Variants in SLC25A13 observed in about 807,000 individuals in gnomAD.
SLC25A13 encodes the protein solute carrier family 25 member 13, also known as electrogenic aspartate/glutamate antiporter SLC25A13, mitochondrial.
Under a neutral mutation model 85.5 loss-of-function variants are expected in SLC25A13, and 70 were observed. That is an observed-to-expected ratio of 0.82 (90% CI 0.68 to 1.00). The LOEUF is 1.00. Ranked by LOEUF, SLC25A13 falls within the 50% of genes least tolerant of loss-of-function variation. The pLI is 0.00. For missense variants in SLC25A13, 765 were observed against 819.8 expected, an observed-to-expected ratio of 0.93 and a Z score of 0.82; for synonymous variants, 259 against 288.7, an observed-to-expected ratio of 0.90 and a Z score of 1.04.
intron 4 of SLC25A13, among the ~76,000 whole-genome samples, chr7:96,226,550 T>C (rs1236179398): frequency 6.6e-6 from 1 of 151,970 alleles, no homozygotes; most frequent in African/African-American, 2.4e-5. Flanking sequence ...TTTGTAAATT[T>C]TTGTCAGAAT....
chr7:96,169,947 T>C, intron 13 of SLC25A13, 98 bp downstream of exon 13: 1 of 1,224,644 alleles, frequency 8.2e-7, no homozygotes, highest in Middle Eastern at 1.9e-4. Context: ...GCAGGATCTG[T>C]GGTTAAACAG....
intron 5 of SLC25A13, among the ~76,000 whole-genome samples, chr7:96,194,278 A>T (rs1200509332): frequency 1.3e-5 from 2 of 150,962 alleles, no homozygotes; most frequent in East Asian, 3.9e-4. Context: ...CTACAAAAAA[A>T]AAAAAAAAAA....
chr7:96,151,025 G>C (rs373340112), intron 13 of SLC25A13, among the ~76,000 whole-genome samples: 1 of 152,136 alleles, frequency 6.6e-6, no homozygotes, highest in South Asian at 2.1e-4. Context: ...AGGAGGGCAA[G>C]AGCTCTCCTG....
intron 13 of SLC25A13, 97 bp downstream of exon 13, chr7:96,169,948 G>T: frequency 8.1e-7 from 1 of 1,237,534 alleles, no homozygotes; most frequent in Non-Finnish European, 1.2e-6. Context: ...CAGGATCTGT[G>T]GTTAAACAGA....
intron 4 of SLC25A13, among the ~76,000 whole-genome samples, chr7:96,225,423 T>C (rs779337532): frequency 9.2e-5 from 14 of 152,014 alleles, no homozygotes; most frequent in Non-Finnish European, 1.9e-4. Flanking sequence ...GCGCCACCTG[T>C]AGTCCCAGCT....
At chr7:96,314,695 T>C (rs2117033623) in intron 1 of SLC25A13, among the ~76,000 whole-genome samples, 1 of 152,124 alleles carries the variant, frequency 6.6e-6, no homozygotes, top group African/African-American at 2.4e-5. Flanking sequence ...GAGGAATGGT[T>C]CCCTCTAAGA....
chr7:96,234,680 AG>A, intron 4 of SLC25A13, 121 bp downstream of exon 4: 1 of 702,868 alleles, frequency 1.4e-6, no homozygotes, highest in Non-Finnish European at 2.4e-6. Flanking sequence ...CTTTACTAAA[AG>A]GGATATACTA....
intron 3 of SLC25A13, among the ~76,000 whole-genome samples, chr7:96,256,987 G>C (rs1797661619): frequency 6.6e-6 from 1 of 152,044 alleles, no homozygotes; most frequent in Non-Finnish European, 1.5e-5. Context: ...ACAAAATTAA[G>C]GCAGAAATAA....
intron 2 of SLC25A13, among the ~76,000 whole-genome samples, chr7:96,286,868 C>G (rs138753183): frequency 9.8e-5 from 15 of 152,340 alleles, no homozygotes; most frequent in African/African-American, 2.6e-4. Flanking sequence ...TGTCGCTGAT[C>G]TACAGAGCTG....
chr7:96,302,136 C>T (rs1478564680), intron 1 of SLC25A13, among the ~76,000 whole-genome samples: 1 of 152,030 alleles, frequency 6.6e-6, no homozygotes, highest in East Asian at 1.9e-4. Flanking sequence ...TCATCAATAG[C>T]GTTTGCAAAA....
intron 4 of SLC25A13, among the ~76,000 whole-genome samples, chr7:96,223,873 T>G (rs1796230189): frequency 6.6e-6 from 1 of 151,286 alleles, no homozygotes; most frequent in Non-Finnish European, 1.5e-5. Context: ...TACAACAACT[T>G]AAGAAATATC....
intron 14 of SLC25A13, among the ~76,000 whole-genome samples, chr7:96,134,125 T>C (rs1792159795): frequency 6.6e-6 from 1 of 151,050 alleles, no homozygotes; most frequent in African/African-American, 2.4e-5. Context: ...ACCTCCCGGG[T>C]TCACGATTCT....
At chr7:96,293,782 A>G (rs1481902938) in intron 2 of SLC25A13, among the ~76,000 whole-genome samples, 3 of 152,232 alleles carry the variant, frequency 2.0e-5, no homozygotes, top group Non-Finnish European at 2.9e-5. Context: ...AGGAAACAAC[A>G]GGAGCTGGAG....
chr7:96,147,864 C>G (rs1050983860), intron 13 of SLC25A13, among the ~76,000 whole-genome samples: 46 of 151,878 alleles, frequency 3.0e-4, no homozygotes, highest in Middle Eastern at 6.9e-3. Context: ...TCCCCTACCA[C>G]CATGTGGAAG....
At chr7:96,226,156 T>A (rs953033593) in intron 4 of SLC25A13, among the ~76,000 whole-genome samples, 6 of 152,200 alleles carry the variant, frequency 3.9e-5, no homozygotes, top group Non-Finnish European at 7.3e-5. Flanking sequence ...CAAAACTTTA[T>A]GCCGGCTGAT....
chr7:96,150,036 A>G (rs1462289335), intron 13 of SLC25A13, among the ~76,000 whole-genome samples: 1 of 152,106 alleles, frequency 6.6e-6, no homozygotes, highest in African/African-American at 2.4e-5. Flanking sequence ...CAAGTAGGAC[A>G]TGGGAAAATA....
chr7:96,128,118 A>G (rs1275938850), intron 15 of SLC25A13, among the ~76,000 whole-genome samples: 1 of 152,200 alleles, frequency 6.6e-6, no homozygotes, highest in Non-Finnish European at 1.5e-5. Context: ...ACCCCATGAC[A>G]TCACTCCTGC....
At chr7:96,183,763 A>G (rs1421646281) in intron 11 of SLC25A13, among the ~76,000 whole-genome samples, 1 of 152,144 alleles carries the variant, frequency 6.6e-6, no homozygotes, top group African/African-American at 2.4e-5. Flanking sequence ...CAGTGGGGGG[A>G]AACCTTGGCT....
At chr7:96,232,594 T>TA (rs771412820) in intron 4 of SLC25A13, among the ~76,000 whole-genome samples, 23 of 98,548 alleles carry the variant, frequency 2.3e-4, no homozygotes, top group African/African-American at 3.8e-4. Flanking sequence ...GAACTTACGT[T>TA]AAAAAAAAAA....
Sources: gnomAD v4.1 joint callset for allele counts (sites outside exome capture counted in the v4.1 genomes callset) on GRCh38, gnomAD v4.1.1 for gene constraint, MANE v1.5 for transcripts, NCBI Gene and HGNC (gene_info 2026-07-23, HGNC 2026-07-21) for gene names.